PSMD14: variants seen among roughly 807,000 people sequenced by gnomAD.
The protein encoded by PSMD14 is ubiquitin C-terminal hydrolase PSMD14.
In PSMD14, 7 loss-of-function variants were observed where a neutral mutation model predicts 41.2. The observed-to-expected ratio is 0.17, with a 90% confidence interval of 0.10 to 0.32. The LOEUF (loss-of-function observed/expected upper bound fraction) is 0.32. PSMD14 is among the 10% of genes least tolerant of loss of function. PSMD14 has a pLI of 1.00. For missense variants in PSMD14, 139 were observed against 375.6 expected, an observed-to-expected ratio of 0.37 and a Z score of 5.21; for synonymous variants, 114 against 122.3, an observed-to-expected ratio of 0.93 and a Z score of 0.45.
chr2:161,405,454 A>G (rs901949699), intron 10 of PSMD14, among the ~76,000 whole-genome samples: 2 of 152,194 alleles, frequency 1.3e-5, no homozygotes, highest in African/African-American at 4.8e-5. Context: ...AGTTTGAAAA[A>G]TTCCTTTTAT....
chr2:161,356,230 A>G (rs1268207737), intron 3 of PSMD14, among the ~76,000 whole-genome samples: 6 of 152,300 alleles, frequency 3.9e-5, no homozygotes, highest in South Asian at 4.1e-4. Flanking sequence ...TTGTACTCCT[A>G]TTGCCAATTA....
intron 3 of PSMD14, among the ~76,000 whole-genome samples, chr2:161,362,901 C>T (rs1683309003): frequency 6.6e-6 from 1 of 152,102 alleles, no homozygotes; most frequent in Admixed American, 6.5e-5. Context: ...AGAAAATTTT[C>T]TTCAGCTTTG....
In PSMD14 at chr2:161,340,680, G is replaced by A. The variant is rs371994589; in HGVS notation, c.48+21807G>A. The A allele has an allele frequency of 4.0e-6, 6 of 1,505,208 alleles. No homozygotes were observed. In the African/African-American group the frequency reaches 7.0e-5, roughly 18 times the overall value. The allele number at this position is 1,505,208 out of a possible 1,614,324, so 93.2% of individuals were successfully genotyped here. On this transcript the variant is annotated intron_variant, in intron 3 of 11. Transcript: ENST00000409682. ...GACAAGTCCTGATTGAGGGTCTAGA[G>A]CTCAGCAGATTTATGGAGGCAGCAT... is the stretch of plus-strand genomic sequence containing the variant.
intron 3 of PSMD14, among the ~76,000 whole-genome samples, chr2:161,355,753 G>A (rs571425403): frequency 1.3e-5 from 2 of 152,158 alleles, no homozygotes; most frequent in Admixed American, 1.3e-4. Context: ...AAGGATTCTT[G>A]TATAGACATT....
At chr2:161,315,999 G>A (rs1217975251) in intron 1 of PSMD14, among the ~76,000 whole-genome samples, 8 of 151,908 alleles carry the variant, frequency 5.3e-5, no homozygotes, top group Non-Finnish European at 8.8e-5. Context: ...CTGCCACCAC[G>A]CCTGGCTAAT....
chr2:161,406,714 C>A (rs1306141329), intron 10 of PSMD14, among the ~76,000 whole-genome samples: 2 of 152,148 alleles, frequency 1.3e-5, no homozygotes, highest in Non-Finnish European at 2.9e-5. Context: ...AAATCTACAG[C>A]TGCTCCTCAT....
At position 161,391,156 on chromosome 2, in the gene PSMD14, G is replaced by A; in HGVS notation, c.623G>A (p.Arg208Gln). 1.3e-6 allele frequency: 2 copies of A among 1,530,000 alleles called. No individual in the cohort carries two copies. The highest frequency in any genetic ancestry group is 1.8e-6 in the Non-Finnish European group (2 of 1,135,830). 94.8% of individuals were successfully genotyped at this position (1,530,000 alleles called of 1,614,324 possible). A position where few individuals can be genotyped will look rare whatever the true frequency, so the allele number is the denominator to read the frequency against. ...TATTACTCCATTACTATTAACTATC[G>A]GAAAAATGAACTGGAACAGAAGGTA... is the stretch of plus-strand genomic sequence containing the variant. ...RHYYSITINY[R>Q]KNELEQKMLL... The change falls in exon 9 of 12, where the codon CGG becomes CAG. Residue 208 changes from arginine (R) to glutamine (Q), a missense_variant. Arg to Gln is a conservative substitution (Grantham distance 43). Around this residue, in one of 4 missense-constraint regions of PSMD14, gnomAD observed 80 missense variants for 138.1 expected, o/e 0.58. Transcript: ENST00000409682.
At chr2:161,406,824 A>AT (rs1683953897) in intron 10 of PSMD14, among the ~76,000 whole-genome samples, 1 of 152,132 alleles carries the variant, frequency 6.6e-6, no homozygotes, top group Non-Finnish European at 1.5e-5. Context: ...GGAAAAACTA[A>AT]TTGGTAAAGT....
chr2:161,399,687 G>C (rs767462519), intron 10 of PSMD14, among the ~76,000 whole-genome samples: 1 of 151,750 alleles, frequency 6.6e-6, no homozygotes, highest in African/African-American at 2.4e-5. Flanking sequence ...TTTTTAAGTC[G>C]TCAAAAAAAG....
intron 3 of PSMD14, among the ~76,000 whole-genome samples, chr2:161,361,960 GT>G (rs1309539954): frequency 6.6e-5 from 10 of 152,130 alleles, no homozygotes; most frequent in Admixed American, 2.0e-4. Context: ...ATGTTGCTTG[GT>G]ATTTTTTTCT....
At chr2:161,358,035 TC>T (rs1683232599) in intron 3 of PSMD14, among the ~76,000 whole-genome samples, 2 of 152,152 alleles carry the variant, frequency 1.3e-5, no homozygotes, top group South Asian at 2.1e-4. Flanking sequence ...AGACTTTTTT[TC>T]CATTACTTTT....
At chr2:161,402,877 C>T (rs1024186544) in intron 10 of PSMD14, among the ~76,000 whole-genome samples, 2 of 152,076 alleles carry the variant, frequency 1.3e-5, no homozygotes, top group Admixed American at 1.3e-4. Context: ...ATCAAAACCA[C>T]AATGGCTAGA....
chr2:161,406,703 TA>T (rs1559056896), intron 10 of PSMD14, among the ~76,000 whole-genome samples: 1 of 152,158 alleles, frequency 6.6e-6, no homozygotes, highest in African/African-American at 2.4e-5. Context: ...AGTATATGCC[TA>T]AATCTACAGC....
At chr2:161,340,949 T>C in intron 3 of PSMD14, 1 of 1,613,460 alleles carries the variant, frequency 6.2e-7, no homozygotes, top group East Asian at 2.2e-5. Context: ...CTTCCGATGA[T>C]GGCCCCTTCT....
chr2:161,386,533 G>A (rs1683638687), intron 8 of PSMD14, among the ~76,000 whole-genome samples: 1 of 150,840 alleles, frequency 6.6e-6, no homozygotes, highest in East Asian at 2.0e-4. Flanking sequence ...GAAGTGTTTT[G>A]TTTTAAAGGA....
At chr2:161,379,070 G>A (rs563298437) in intron 7 of PSMD14, among the ~76,000 whole-genome samples, 4 of 152,100 alleles carry the variant, frequency 2.6e-5, no homozygotes, top group African/African-American at 9.6e-5. Flanking sequence ...CTACTGCCAT[G>A]CTAACAAAGT....
At chr2:161,392,695 A>G (rs3769959) in intron 9 of PSMD14, among the ~76,000 whole-genome samples, 10,055 of 152,156 alleles carry the variant, frequency 0.066, 454 homozygotes, top group East Asian at 0.15. Flanking sequence ...AGGGGATCTT[A>G]TAATGCTCTC....
At chr2:161,369,917 A>G (rs530654873) in intron 5 of PSMD14, among the ~76,000 whole-genome samples, 190 bp from the exon 6 acceptor site, 21 of 152,230 alleles carry the variant, frequency 1.4e-4, no homozygotes, top group African/African-American at 4.3e-4. Flanking sequence ...TCGATCGCCA[A>G]CAGCAGTTTG....
In PSMD14 at chr2:161,408,895, A is replaced by G; in HGVS notation, c.830A>G (p.Lys277Arg). 6.2e-7 allele frequency: 1 copy of G among 1,600,770 alleles called. No homozygotes were observed. The highest frequency in any genetic ancestry group is 1.1e-5 in the South Asian group (1 of 89,938). Residue 277 changes from lysine (K) to arginine (R), a missense_variant, in exon 11 of 12, where the codon AAG (lysine) becomes AGG (arginine). By Grantham distance (26) the Lys-to-Arg change is conservative (BLOSUM62 2). Transcript: ENST00000409682. ...PEQLAIKNVG[K>R]QDPKRHLEEH... ...CAGCTGGCAATAAAGAATGTTGGCA[A>G]GCAGGTGAGGTGTACTGTTAATAAG...
Sources: allele counts gnomAD v4.1 joint callset (sites outside exome capture counted in the v4.1 genomes callset), GRCh38; gene constraint gnomAD v4.1.1; regional missense constraint gnomAD v4.1.1; transcripts MANE v1.5; gene names NCBI Gene and HGNC (gene_info 2026-07-23, HGNC 2026-07-21).